STAB1: variants seen among roughly 807,000 people sequenced by gnomAD.
The protein encoded by STAB1 is stabilin 1.
In STAB1, 250 loss-of-function variants were observed where a neutral mutation model predicts 332.4. That is an observed-to-expected ratio of 0.75 (90% CI 0.68 to 0.84). The LOEUF (loss-of-function observed/expected upper bound fraction) is 0.84. Among genes scored for constraint, STAB1 ranks in the 40% least tolerant of loss-of-function variants. STAB1 has a pLI of 0.00. For synonymous variants in STAB1, 1,475 were observed against 1,390.4 expected (o/e 1.06, Z -1.35); for missense variants, 3,249 against 3,489.7 (o/e 0.93, Z 1.74).
chr3:52,514,617 C>CCG, intron 34 of STAB1, 84 bp from the exon 35 acceptor site: 1 of 1,591,986 alleles, frequency 6.3e-7, no homozygotes, highest in Non-Finnish European at 8.6e-7. Flanking sequence ...GGGAGCCCCC[C>CCG]GGCCCTGGAG....
chr3:52,523,786 T>C, intron 66 of STAB1, 30 bp downstream of exon 66: 1 of 1,589,958 alleles, frequency 6.3e-7, no homozygotes, highest in Non-Finnish European at 8.6e-7. Flanking sequence ...GGCAGAGCCC[T>C]TCCTGGCACC....
Position 52,501,276 on chromosome 3 carries a change from C to A in STAB1, c.189C>A (p.Leu63=), listed in dbSNP as rs752338159. Reference sequence around the variant, plus strand: ...GTCCCTCAGGCTGGCTGCGGGAGCTCCCGGATCAGATAACCCAGGACTGCC... The same window carrying A: ...GTCCCTCAGGCTGGCTGCGGGAGCTACCGGATCAGATAACCCAGGACTGCC... ...QTCPSGWLRE[L]PDQITQDCRY... Residue 63 remains leucine (L), a synonymous_variant, in exon 2 of 69, where the codon CTC becomes CTA. Transcript: ENST00000321725. The A allele has an allele frequency of 6.2e-7, 1 of 1,613,514 alleles. No individual in the cohort carries two copies. Among genetic ancestry groups the A allele is most frequent in the South Asian group, 1.1e-5 (1 of 91,080 alleles).
At chr3:52,504,970 T>C in intron 12 of STAB1, 33 bp from the exon 13 acceptor site, 7 of 1,612,936 alleles carry the variant, frequency 4.3e-6, no homozygotes, top group Non-Finnish European at 5.9e-6. Flanking sequence ...GGCTGGCATA[T>C]GGGATCTGGC....
rs762962955 is a variant in STAB1, at chr3:52,514,001, G to A, written c.3447+20G>A. The A allele has an allele frequency of 2.5e-6, 4 of 1,594,722 alleles. No homozygotes were observed. The highest frequency in any genetic ancestry group is 1.3e-5 in the African/African-American group (1 of 74,812). On this transcript the variant is annotated intron_variant, in intron 32 of 68. Coordinates refer to ENST00000321725, the MANE Select transcript of STAB1 (RefSeq NM_015136.3). ...CTGCAGGTACGGAAGGCTGGCAAGA[G>A]GGGATGTGCCTGCTCGGGGGACACT...
intron 35 of STAB1, 48 bp from the exon 36 acceptor site, chr3:52,514,941 A>C (rs755038941): frequency 8.1e-6 from 13 of 1,612,384 alleles, no homozygotes; most frequent in Non-Finnish European, 1.1e-5. Context: ...GAGGAAGGGC[A>C]GGGATCCAGG....
intron 1 of STAB1, among the ~76,000 whole-genome samples, chr3:52,500,502 G>A (rs139081771): frequency 1.1e-4 from 17 of 152,356 alleles, no homozygotes; most frequent in East Asian, 1.9e-4. Context: ...CCTGGGCAGC[G>A]GAGAAAGCCC....
At chr3:52,516,660 A>G (rs758786411) in intron 40 of STAB1, 32 bp from the exon 41 acceptor site, 1 of 1,612,384 alleles carries the variant, frequency 6.2e-7, no homozygotes, top group South Asian at 1.1e-5. Flanking sequence ...CTGGACAGGC[A>G]TGGGCTAAGC....
At chr3:52,500,439 C>T (rs1466611126) in intron 1 of STAB1, among the ~76,000 whole-genome samples, 1 of 152,278 alleles carries the variant, frequency 6.6e-6, no homozygotes, top group Non-Finnish European at 1.5e-5. Flanking sequence ...TCCCTGCACA[C>T]AGCTGCTCAC....
intron 25 of STAB1, among the ~76,000 whole-genome samples, chr3:52,510,832 G>A (rs1010223198): frequency 2.6e-5 from 4 of 152,234 alleles, no homozygotes; most frequent in African/African-American, 4.8e-5. Flanking sequence ...ATCCAGCCCC[G>A]GAGCTTTGCA....
chr3:52,501,816 TCTG>T, intron 3 of STAB1, 63 bp downstream of exon 3: 1 of 1,480,200 alleles, frequency 6.8e-7, no homozygotes, highest in Non-Finnish European at 9.2e-7. Context: ...GGGCAAGCCC[TCTG>T]CAGGAGCCAC....
chr3:52,520,848 G>T lies in STAB1; in HGVS notation c.5751G>T (p.Thr1917=). The T allele has an allele frequency of 6.2e-7, 1 of 1,612,780 alleles. No homozygotes were observed. The highest frequency in any genetic ancestry group is 8.5e-7 in the Non-Finnish European group (1 of 1,180,016). The change falls in exon 55 of 69, where the codon ACG becomes ACT. Residue 1917 remains threonine, a synonymous_variant. Transcript: ENST00000321725. Reference sequence around the variant, plus strand: ...GGCGCTTCTACCCGAAGTTCTGGACGTCCCCTCCGCTGCACTCTTTGGGAT... The same window carrying T: ...GGCGCTTCTACCCGAAGTTCTGGACTTCCCCTCCGCTGCACTCTTTGGGAT... ...ACWRFYPKFW[T]SPPLHSLGLR...
rs766527984 is a variant in STAB1 at position 52,512,632 on chromosome 3, C to T, written c.3016C>T (p.Gln1006Ter). The T allele has an allele frequency of 2.5e-6, 4 of 1,613,834 alleles. No individual in the cohort carries two copies. The highest frequency in any genetic ancestry group is 3.4e-6 in the Non-Finnish European group (4 of 1,180,026). Residue 1006 changes from glutamine to a stop codon, truncating the protein, a stop_gained, in exon 28 of 69, where the codon CAA becomes TAA. Transcript: ENST00000321725. LOFTEE classifies it high-confidence loss of function. ...AAATGCCCACTTCTCCATCTTCTAC[C>T]AATGGCTTAAGGTAGGACAGGGCAG... ...EANAHFSIFY[Q>*]WLKSAGITLP... is the part of the protein sequence containing the mutation.
intron 50 of STAB1, 100 bp from the exon 51 acceptor site, chr3:52,519,844 G>A: frequency 7.2e-7 from 1 of 1,396,018 alleles, no homozygotes; most frequent in Non-Finnish European, 9.5e-7. Context: ...GAGTGTGGGT[G>A]AGTGTGGAGC....
chr3:52,502,130 C>T, intron 4 of STAB1, 29 bp from the exon 5 acceptor site: 1 of 1,613,554 alleles, frequency 6.2e-7, no homozygotes, highest in Non-Finnish European at 8.5e-7. Flanking sequence ...CTCAGAGGGG[C>T]CACGCTGACT....
chr3:52,518,275 G>C (rs760885627), intron 45 of STAB1, 37 bp from the exon 46 acceptor site: 2 of 1,608,592 alleles, frequency 1.2e-6, no homozygotes, highest in Non-Finnish European at 8.5e-7. Context: ...CCTGAATGGG[G>C]GCCGCCCCAA....
rs765712631 is a variant in STAB1 at position 52,504,147 on chromosome 3, C to A, written c.1142C>A (p.Ala381Asp). 6.3e-7 allele frequency: 1 copy of A among 1,588,248 alleles called. No homozygotes were observed. The highest frequency in any genetic ancestry group is 1.1e-5 in the South Asian group (1 of 87,802). Residue 381 changes from alanine (A) to aspartate (D), a missense_variant, in exon 10 of 69, where the codon GCC (alanine) becomes GAC (aspartate). Ala to Asp is a moderately radical substitution (Grantham distance 126). Coordinates refer to ENST00000321725, the MANE Select transcript of STAB1 (RefSeq NM_015136.3). ...TTCCTGCAGCTGAGGGTCGCCGTGG[C>A]CATGATGGGTGCGTGACCCCACTGC... is the stretch of plus-strand genomic sequence containing the variant. ...RVFLQLRVAV[A>D]MMDQGCREIL...
At chr3:52,499,767 C>T (rs568208274) in intron 1 of STAB1, among the ~76,000 whole-genome samples, 11 of 150,710 alleles carry the variant, frequency 7.3e-5, no homozygotes, top group Non-Finnish European at 1.2e-4. Flanking sequence ...GGCGTAGTGG[C>T]GGGCGCCTGT....
chr3:52,512,761 G>A (rs1002687655), intron 28 of STAB1, 67 bp from the exon 29 acceptor site: 137 of 1,607,492 alleles, frequency 8.5e-5, no homozygotes, highest in Admixed American at 1.5e-4. Context: ...GGAGCCTAGA[G>A]CAGGGGATCT....
chr3:52,521,862 C>T lies in STAB1; in HGVS notation c.6182C>T (p.Thr2061Ile). The change falls in exon 58 of 69, where the codon ACC (threonine) becomes ATC (isoleucine). Residue 2061 changes from threonine (T) to isoleucine (I), a missense_variant. By Grantham distance (89) the Thr-to-Ile change is moderately conservative. Transcript: ENST00000321725. The part of the protein sequence containing the change: ...EVQLELQPVC[T>I]PPCAPEAVCR... The stretch of plus-strand genomic sequence containing the variant: ...GGGACAGAGCTGCAGCCTGTGTGTA[C>T]CCCACCCTGTGCACCCGAGGCTGTG... 6.2e-7 allele frequency: 1 copy of T among 1,601,944 alleles called. No individual in the cohort carries two copies. The highest frequency in any genetic ancestry group is 1.7e-5 in the Admixed American group (1 of 59,536).
Sources: gnomAD v4.1 joint callset for allele counts (sites outside exome capture counted in the v4.1 genomes callset) on GRCh38, gnomAD v4.1.1 for gene constraint, MANE v1.5 for transcripts, NCBI Gene and HGNC (gene_info 2026-07-23, HGNC 2026-07-21) for gene names.